SLC4A10: variants seen among roughly 807,000 people sequenced by gnomAD.
SLC4A10 encodes the protein sodium-driven chloride bicarbonate exchanger.
SLC4A10 carries 42 observed loss-of-function variants against 137.7 expected under a neutral mutation model. The ratio of observed to expected loss-of-function variants is 0.30; its 90% CI spans 0.24 to 0.39. The LOEUF (loss-of-function observed/expected upper bound fraction) is 0.39, where lower values mean the gene tolerates loss of function less well. Among genes scored for constraint, SLC4A10 ranks in the 10% least tolerant of loss-of-function variants. The pLI, the probability that SLC4A10 is intolerant of heterozygous loss-of-function variation, is 1.00. For synonymous variants in SLC4A10, 474 were observed against 464.1 expected, an observed-to-expected ratio of 1.02 and a Z score of -0.27; for missense variants, 925 against 1,355.0, an observed-to-expected ratio of 0.68 and a Z score of 4.98.
chr2:161,768,913 C>T (rs2051221322), intron 1 of SLC4A10, among the ~76,000 whole-genome samples: 1 of 151,940 alleles, frequency 6.6e-6, no homozygotes, highest in Non-Finnish European at 1.5e-5. Flanking sequence ...CCATAGAGCT[C>T]TTCAAGGATG....
intron 1 of SLC4A10, among the ~76,000 whole-genome samples, chr2:161,682,695 T>C (rs931515247): frequency 2.0e-5 from 3 of 151,950 alleles, no homozygotes; most frequent in Non-Finnish European, 2.9e-5. Context: ...TTATCTGGAA[T>C]AGGGTGGGGG....
chr2:161,893,902 C>T (rs1337440274), intron 10 of SLC4A10, among the ~76,000 whole-genome samples: 1 of 151,704 alleles, frequency 6.6e-6, no homozygotes, highest in African/African-American at 2.4e-5. Context: ...TTGAAAATAT[C>T]ATAAGTGGAA....
intron 6 of SLC4A10, among the ~76,000 whole-genome samples, chr2:161,870,664 T>A (rs1426044528): frequency 1.3e-5 from 2 of 151,826 alleles, no homozygotes; most frequent in African/African-American, 2.4e-5. Flanking sequence ...ACAGTTATTA[T>A]TTTGAGAATG....
Position 161,678,958 on chromosome 2 carries a change from A to G in SLC4A10, c.48+54392A>G, listed in dbSNP as rs930201584. 3.3e-5 allele frequency among the ~76,000 whole-genome samples: 5 copies of G among 152,060 alleles called. 1 individual carries two copies. The South Asian group carries it at 1.0e-3, about 31-fold the overall frequency. On this transcript the variant is annotated intron_variant, in intron 1 of 26. Transcript: ENST00000446997. ...ATTTCTTTTTAGTAGACATGTGAAG[A>G]CTTTCTTTTGGGTATATAACTAGGA...
intron 16 of SLC4A10, among the ~76,000 whole-genome samples, chr2:161,943,971 T>C (rs572892531): frequency 1.3e-5 from 2 of 152,084 alleles, no homozygotes; most frequent in South Asian, 2.1e-4. Context: ...AATTACTTAC[T>C]CTTTATTTAA....
chr2:161,674,439 A>G (rs1458866917), intron 1 of SLC4A10, among the ~76,000 whole-genome samples: 1 of 152,232 alleles, frequency 6.6e-6, no homozygotes, highest in Admixed American at 6.5e-5. Context: ...AATAGATGGT[A>G]GCTCTTACAA....
At chr2:161,817,956 G>A (rs374318127) in intron 3 of SLC4A10, among the ~76,000 whole-genome samples, 5,847 of 144,986 alleles carry the variant, frequency 0.04, 160 homozygotes, top group East Asian at 0.095. Flanking sequence ...TTGACTTGGT[G>A]ATGTGGGTTC....
intron 3 of SLC4A10, among the ~76,000 whole-genome samples, chr2:161,837,023 T>C (rs1385991487): frequency 1.3e-5 from 2 of 152,180 alleles, no homozygotes. Context: ...TACTTATTCA[T>C]GAAAGACTGT....
At chr2:161,636,690 AC>A in intron 1 of SLC4A10, among the ~76,000 whole-genome samples, 1 of 151,320 alleles carries the variant, frequency 6.6e-6, no homozygotes, top group South Asian at 2.1e-4. Flanking sequence ...ACCACGCCTG[AC>A]CTTTTTATTT....
At chr2:161,688,769 C>T (rs550101934) in intron 1 of SLC4A10, among the ~76,000 whole-genome samples, 1 of 152,192 alleles carries the variant, frequency 6.6e-6, no homozygotes, top group East Asian at 1.9e-4. Flanking sequence ...ATCATGATAA[C>T]GTTTGTCCTA....
At chr2:161,875,539 T>C (rs2061409254) in intron 8 of SLC4A10, among the ~76,000 whole-genome samples, 1 of 152,206 alleles carries the variant, frequency 6.6e-6, no homozygotes, top group South Asian at 2.1e-4. Flanking sequence ...TAACTGGAAT[T>C]ATCAGGTTTT....
At chr2:161,660,477 A>G (rs547333284) in intron 1 of SLC4A10, among the ~76,000 whole-genome samples, 21 of 152,262 alleles carry the variant, frequency 1.4e-4, no homozygotes, top group African/African-American at 5.1e-4. Flanking sequence ...CTTCTACCAT[A>G]TTTGGCCAAA....
intron 2 of SLC4A10, 137 bp from the exon 3 acceptor site, chr2:161,804,311 TC>T: frequency 1.1e-6 from 1 of 897,968 alleles, no homozygotes; most frequent in Non-Finnish European, 1.6e-6. Context: ...AGTGCCACGC[TC>T]CAAGCTTTAT....
intron 3 of SLC4A10, among the ~76,000 whole-genome samples, chr2:161,812,314 T>G (rs963878551): frequency 6.6e-6 from 1 of 152,090 alleles, no homozygotes; most frequent in Non-Finnish European, 1.5e-5. Context: ...TTGTGAAGAC[T>G]TTCTTTGCTC....
chr2:161,967,526 T>C (rs989210481), intron 23 of SLC4A10, among the ~76,000 whole-genome samples: 12 of 152,216 alleles, frequency 7.9e-5, no homozygotes, highest in Admixed American at 7.9e-4. Context: ...TTTGAACTGC[T>C]TGGTGGTAAG....
chr2:161,675,689 C>T (rs761431542), intron 1 of SLC4A10, among the ~76,000 whole-genome samples: 1 of 151,772 alleles, frequency 6.6e-6, no homozygotes, highest in Non-Finnish European at 1.5e-5. Context: ...TTTATAATTC[C>T]ATGGACCTTT....
chr2:161,851,553 A>C (rs956022166), intron 4 of SLC4A10, among the ~76,000 whole-genome samples: 1 of 152,194 alleles, frequency 6.6e-6, no homozygotes, highest in Non-Finnish European at 1.5e-5. Flanking sequence ...CATTCTTAAA[A>C]TTTAAAATTT....
intron 10 of SLC4A10, among the ~76,000 whole-genome samples, chr2:161,889,770 T>A (rs754228663): frequency 2.6e-5 from 4 of 152,092 alleles, no homozygotes; most frequent in Non-Finnish European, 4.4e-5. Flanking sequence ...GGTTTTTGTG[T>A]GTGTGTCTCT....
chr2:161,650,960 G>A (rs1030035537), intron 1 of SLC4A10: 1 of 152,370 alleles, frequency 6.6e-6, no homozygotes, highest in Non-Finnish European at 1.5e-5. Context: ...CTTTGAGCCA[G>A]AGATGGCCTG....
Sources: allele counts gnomAD v4.1 joint callset (sites outside exome capture counted in the v4.1 genomes callset), GRCh38; gene constraint gnomAD v4.1.1; transcripts MANE v1.5; gene names NCBI Gene and HGNC (gene_info 2026-07-23, HGNC 2026-07-21).